The following PCDHA6 variants were observed in gnomAD, a reference collection of about 807,000 sequenced individuals.
The protein encoded by PCDHA6 is protocadherin alpha 6, also known as protocadherin alpha-6.
In PCDHA6, 55 loss-of-function variants were observed where a neutral mutation model predicts 60.3. The ratio of observed to expected loss-of-function variants is 0.91; its 90% CI spans 0.73 to 1.14. The LOEUF (loss-of-function observed/expected upper bound fraction) is 1.14, where lower values mean the gene tolerates loss of function less well. Among genes scored for constraint, PCDHA6 ranks in the 50% most tolerant of loss-of-function variants. PCDHA6 has a pLI of 0.00. For synonymous variants in PCDHA6, 652 were observed against 557.9 expected (o/e 1.17, Z -2.38); for missense variants, 1,327 against 1,256.5 (o/e 1.06, Z -0.85).
intron 3 of PCDHA6, among the ~76,000 whole-genome samples, chr5:140,984,534 G>C (rs1261585417): frequency 6.6e-6 from 1 of 152,136 alleles, no homozygotes; most frequent in Non-Finnish European, 1.5e-5. Context: ...TTCATGGACT[G>C]TGCTGGATAG....
intron 1 of PCDHA6, among the ~76,000 whole-genome samples, chr5:140,912,652 G>C (rs555103404): frequency 1.4e-4 from 21 of 152,250 alleles, no homozygotes; most frequent in African/African-American, 5.1e-4. Context: ...TTGAATAGAA[G>C]TGGTGAAAAT....
intron 1 of PCDHA6, among the ~76,000 whole-genome samples, chr5:140,940,491 C>A (rs1554213409): frequency 6.6e-6 from 1 of 151,752 alleles, no homozygotes; most frequent in Admixed American, 6.6e-5. Context: ...CAAGACAAGT[C>A]TTGCTCCGTC....
chr5:140,968,293 G>A, intron 1 of PCDHA6: 1 of 1,613,962 alleles, frequency 6.2e-7, no homozygotes, highest in South Asian at 1.1e-5. Flanking sequence ...ACTCCCTTCT[G>A]GAGAGGGAGA....
intron 1 of PCDHA6, among the ~76,000 whole-genome samples, chr5:140,971,500 T>C (rs2096483313): frequency 1.3e-5 from 2 of 152,136 alleles, no homozygotes; most frequent in Admixed American, 1.3e-4. Context: ...TGTGGCAAGA[T>C]AGGAGCAAAA....
intron 1 of PCDHA6, chr5:140,884,551 G>C (rs782613034): frequency 1.2e-6 from 2 of 1,614,134 alleles, no homozygotes; most frequent in Non-Finnish European, 1.7e-6. Flanking sequence ...TGTGCTCTGG[G>C]GAGGGCCCGC....
intron 1 of PCDHA6, among the ~76,000 whole-genome samples, chr5:140,963,916 T>A (rs186370400): frequency 2.0e-5 from 3 of 152,356 alleles, no homozygotes; most frequent in East Asian, 3.9e-4. Flanking sequence ...AAGCTTAGGC[T>A]AAGTAACATG....
intron 1 of PCDHA6, among the ~76,000 whole-genome samples, chr5:140,970,978 A>G (rs2096449048): frequency 1.3e-5 from 2 of 152,188 alleles, no homozygotes; most frequent in African/African-American, 4.8e-5. Flanking sequence ...ATTAAGAAAA[A>G]TGGGGGAATA....
At chr5:140,941,259 T>TTCTTTCTTTCTTTCTTTC (rs2092988682) in intron 1 of PCDHA6, among the ~76,000 whole-genome samples, 1 of 121,734 alleles carries the variant, frequency 8.2e-6, no homozygotes, top group Non-Finnish European at 1.8e-5. Flanking sequence ...TTCTTTCTCT[T>TTCTTTCTTTCTTTCTTTC]TCTTTCTTTC....
intron 1 of PCDHA6, among the ~76,000 whole-genome samples, chr5:140,960,147 T>C (rs2095529138): frequency 6.6e-6 from 1 of 152,322 alleles, no homozygotes; most frequent in Admixed American, 6.5e-5. Context: ...TATTAATAGC[T>C]TGAGACTGAT....
chr5:140,832,222 T>A (rs1554133477), intron 1 of PCDHA6, among the ~76,000 whole-genome samples: 1 of 152,164 alleles, frequency 6.6e-6, no homozygotes, highest in Non-Finnish European at 1.5e-5. Context: ...TTTCCTGGAG[T>A]TGGTTTTGAC....
At chr5:140,857,347 G>A (rs781930086) in intron 1 of PCDHA6, 5 of 1,598,352 alleles carry the variant, frequency 3.1e-6, no homozygotes, top group Non-Finnish European at 4.3e-6. Context: ...GCTCGCCTCC[G>A]CTGTGGGCCA....
intron 1 of PCDHA6, among the ~76,000 whole-genome samples, chr5:140,910,320 A>G (rs1362740704): frequency 1.3e-5 from 2 of 152,212 alleles, no homozygotes; most frequent in African/African-American, 4.8e-5. Flanking sequence ...CATGAGTCAG[A>G]CTATTGTGAT....
At chr5:140,872,588 C>G (rs995645358) in intron 1 of PCDHA6, among the ~76,000 whole-genome samples, 4 of 151,876 alleles carry the variant, frequency 2.6e-5, no homozygotes, top group African/African-American at 2.4e-5. Context: ...CATCGTGAGA[C>G]CCCCATCTGA....
At chr5:140,945,761 G>T (rs2093839627) in intron 1 of PCDHA6, among the ~76,000 whole-genome samples, 1 of 152,118 alleles carries the variant, frequency 6.6e-6, no homozygotes, top group East Asian at 1.9e-4. Flanking sequence ...AATGGTGGTG[G>T]GACAATTTGA....
chr5:140,852,172 A>T (rs2042256675), intron 1 of PCDHA6: 1 of 802,380 alleles, frequency 1.2e-6, no homozygotes, highest in South Asian at 5.6e-5. Context: ...GAGCCACAAA[A>T]ATAACTATGA....
chr5:141,009,011 T>C (rs1461112133), intron 3 of PCDHA6, among the ~76,000 whole-genome samples: 1 of 152,256 alleles, frequency 6.6e-6, no homozygotes, highest in East Asian at 1.9e-4. Context: ...ATATTTTGCC[T>C]TTAGGCTCTG....
At chr5:140,860,216 T>C (rs1554153148) in intron 1 of PCDHA6, 2 of 150,242 alleles carry the variant, frequency 1.3e-5, no homozygotes, top group South Asian at 2.1e-4. Flanking sequence ...TATGTACTTA[T>C]GTATATATAA....
intron 1 of PCDHA6, chr5:140,859,027 C>T (rs1486669007): frequency 6.6e-6 from 1 of 150,752 alleles, no homozygotes; most frequent in Non-Finnish European, 1.5e-5. Context: ...AAGTTAAATG[C>T]TTTGAACTTT....
intron 1 of PCDHA6, among the ~76,000 whole-genome samples, chr5:140,925,706 T>C (rs371734955): frequency 2.0e-5 from 3 of 151,422 alleles, no homozygotes; most frequent in Admixed American, 6.6e-5. Context: ...AGCCTATTCT[T>C]ATCCTGCCTC....
Sources: gnomAD v4.1 joint callset for allele counts (sites outside exome capture counted in the v4.1 genomes callset) on GRCh38, gnomAD v4.1.1 for gene constraint, MANE v1.5 for transcripts, NCBI Gene and HGNC (gene_info 2026-07-23, HGNC 2026-07-21) for gene names.